The following CHP2 variants were observed in gnomAD, a reference collection of about 807,000 sequenced individuals.
CHP2 encodes calcineurin like EF-hand protein 2.
CHP2 carries 31 observed loss-of-function variants against 24.7 expected under a neutral mutation model. The ratio of observed to expected loss-of-function variants is 1.26; its 90% CI spans 0.94 to 1.69. CHP2 has a LOEUF of 1.69. Ranked by LOEUF, CHP2 falls within the 40% of genes most tolerant of loss-of-function variation. The probability of loss-of-function intolerance (pLI) is 0.00; values close to 1 mark genes in which losing one functional copy is unlikely to be tolerated. For missense variants in CHP2, 319 were observed against 261.5 expected, an observed-to-expected ratio of 1.22 and a Z score of -1.52; for synonymous variants, 97 against 99.1, an observed-to-expected ratio of 0.98 and a Z score of 0.13.
chr16:23,755,854 G>A lies in CHP2; in HGVS notation c.148G>A (p.Asp50Asn). The change falls in exon 3 of 7, where the codon GAT becomes AAT. Residue 50 changes from aspartate to asparagine, a missense_variant. Transcript: ENST00000300113. ...RNKKGYLSRM[D>N]LQQIGALAVN... ...TGAAATTTGGCTTTGCAGCCGCATG[G>A]ATCTCCAGCAGATAGGGGCGCTCGC... is the stretch of plus-strand genomic sequence containing the variant. 3.7e-6 allele frequency: 6 copies of A among 1,614,196 alleles called. No homozygotes were observed. Among genetic ancestry groups the A allele is most frequent in the Non-Finnish European group, 5.1e-6 (6 of 1,180,044 alleles).
chr16:23,755,917 T>C lies in CHP2; in HGVS notation c.211T>C (p.Phe71Leu). 6.2e-7 allele frequency: 1 copy of C among 1,614,104 alleles called. No homozygotes were observed. The change falls in exon 3 of 7, where the codon TTC becomes CTC. Residue 71 changes from phenylalanine (F) to leucine (L), a missense_variant. Physicochemically the swap from Phe to Leu is conservative, Grantham distance 22. Coordinates refer to ENST00000300113, the MANE Select transcript of CHP2 (RefSeq NM_022097.4). ...PLGDRIIESF[F>L]PDGSQRVDFP... Reference sequence around the variant, plus strand: ...GGGAGACCGAATTATAGAAAGCTTCTTCCCCGATGGGTGAGGCTTGCTGGG... The same window carrying C: ...GGGAGACCGAATTATAGAAAGCTTCCTCCCCGATGGGTGAGGCTTGCTGGG...
Position 23,757,659 on chromosome 16 carries a change from G to T in CHP2, c.*76G>T. ...CATCCAAAGCCCCCATGGACGCATG[G>T]ACGCAGGGCGACAATAAACTGTATT... On this transcript the variant is annotated 3_prime_UTR_variant, in exon 7 of 7. Coordinates refer to ENST00000300113, the MANE Select transcript of CHP2 (RefSeq NM_022097.4). 8.3e-7 allele frequency: 1 copy of T among 1,212,060 alleles called. No individual in the cohort carries two copies. The highest frequency in any genetic ancestry group is 1.2e-6 in the Non-Finnish European group (1 of 813,110). 75.1% of individuals were successfully genotyped at this position (1,212,060 alleles called of 1,614,324 possible).
chr16:23,755,991 G>A (rs996717265), intron 3 of CHP2, 64 bp downstream of exon 3: 248 of 1,613,692 alleles, frequency 1.5e-4, no homozygotes, highest in Non-Finnish European at 2.0e-4. Context: ...GGTGGGAGGG[G>A]AGGTTAGAGA....
At position 23,755,651 on chromosome 16, in the gene CHP2, C is replaced by T; in HGVS notation, c.68-10C>T. The T allele has an allele frequency of 6.2e-7, 1 of 1,613,652 alleles. No individual in the cohort carries two copies. Among genetic ancestry groups the T allele is most frequent in the Non-Finnish European group, 8.5e-7 (1 of 1,179,826 alleles). ...AGTCACACACCCCCACCCCACTCTCCTTCCCGCAGTCTCCCAAGCCAGCCT... is the reference window on the plus strand; with the variant it reads ...AGTCACACACCCCCACCCCACTCTCTTTCCCGCAGTCTCCCAAGCCAGCCT... On this transcript the variant is annotated splice_polypyrimidine_tract_variant and intron_variant, in intron 1 of 6. Transcript: ENST00000300113.
intron 1 of CHP2, 135 bp from the exon 2 acceptor site, chr16:23,755,526 C>T (rs995176709): frequency 3.9e-6 from 3 of 761,864 alleles, no homozygotes; most frequent in East Asian, 2.6e-5. Context: ...GCCAGCTCAA[C>T]CCCTGATTCC....
chr16:23,758,377 A>T lies in CHP2; in HGVS notation c.*794A>T, dbSNP rs1184725461. The T allele has an allele frequency of 6.6e-6, 1 of 152,254 alleles. No individual in the cohort carries two copies. Among genetic ancestry groups the T allele is most frequent in the African/African-American group, 2.4e-5 (1 of 41,476 alleles). The allele number at this position is 152,254 out of a possible 1,614,324, so 9.4% of individuals were successfully genotyped here. A position where few individuals can be genotyped will look rare whatever the true frequency, so the allele number is the denominator to read the frequency against. On this transcript the variant is annotated 3_prime_UTR_variant, in exon 7 of 7. Transcript: ENST00000300113. ...AGTCCAGAAGTATCTGCCTTTAGGCACAGCTGGATCCAAGGGCACAAATGA... is the reference window on the plus strand; with the variant it reads ...AGTCCAGAAGTATCTGCCTTTAGGCTCAGCTGGATCCAAGGGCACAAATGA...
chr16:23,757,132 G>A, intron 5 of CHP2, 69 bp from the exon 6 acceptor site: 1 of 1,590,946 alleles, frequency 6.3e-7, no homozygotes. Context: ...AGGTGGGCAA[G>A]GTTTAGGAGA....
At chr16:23,756,288 A>G in intron 4 of CHP2, 95 bp downstream of exon 4, 2 of 1,584,844 alleles carry the variant, frequency 1.3e-6, no homozygotes, top group African/African-American at 1.3e-5. Flanking sequence ...GAGGGCATTG[A>G]CAACCTCCCC....
chr16:23,755,369 G>GTGTC, intron 1 of CHP2: 1 of 596,718 alleles, frequency 1.7e-6, no homozygotes, highest in Non-Finnish European at 3.0e-6. Flanking sequence ...AGGCACCCAG[G>GTGTC]TGTCCTCCAG....
chr16:23,755,629 C>T lies in CHP2; in HGVS notation c.68-32C>T, dbSNP rs181110599. ...GTTTCTGGAGCTGGCCCTGCAGAGT[C>T]ACACACCCCCACCCCACTCTCCTTC... On this transcript the variant is annotated intron_variant, in intron 1 of 6. Coordinates refer to ENST00000300113, the MANE Select transcript of CHP2 (RefSeq NM_022097.4). 5,678 of 1,602,356 alleles carry T rather than the reference C, an allele frequency of 3.5e-3. 297 individuals are homozygous for T. The Admixed American group carries it at 0.087, about 24-fold the overall frequency.
rs1044681951 is a variant in CHP2 at position 23,758,506 on chromosome 16, C to T, written c.*923C>T. 1.3e-5 allele frequency: 2 copies of T among 152,218 alleles called. No homozygotes were observed. The highest frequency in any genetic ancestry group is 4.8e-5 in the African/African-American group (2 of 41,468). The allele number at this position is 152,218 out of a possible 1,614,324, so 9.4% of individuals were successfully genotyped here. On this transcript the variant is annotated 3_prime_UTR_variant, in exon 7 of 7. Coordinates refer to ENST00000300113, the MANE Select transcript of CHP2 (RefSeq NM_022097.4). The stretch of plus-strand genomic sequence containing the variant: ...TCCTAGTGATGGAGATGACCACCAT[C>T]AGCTCCAGGCTTCTATCCTGCTAAC...
rs1961217791 is a variant in CHP2, at chr16:23,755,929, T to C, written c.221+2T>C. 2 of 1,613,876 alleles carry C rather than the reference T, an allele frequency of 1.2e-6. No individual in the cohort carries two copies. The highest frequency in any genetic ancestry group is 1.7e-6 in the Non-Finnish European group (2 of 1,179,938). ...TATAGAAAGCTTCTTCCCCGATGGG[T>C]GAGGCTTGCTGGGCGTGGGGAGGTG... On this transcript the variant is annotated splice_donor_variant, in intron 3 of 6. Transcript: ENST00000300113. LOFTEE classifies it high-confidence loss of function.
At chr16:23,755,992 A>T in intron 3 of CHP2, 65 bp downstream of exon 3, 1 of 1,613,348 alleles carries the variant, frequency 6.2e-7, no homozygotes, top group Non-Finnish European at 8.5e-7. Context: ...GTGGGAGGGG[A>T]GGTTAGAGAC....
In CHP2 at chr16:23,755,040, C is replaced by T. The variant is rs1409366204; in HGVS notation, c.-10C>T. ...GTGGCTGCTCCGGCCCTTCCGCCTC[C>T]AGCTCGGCCATGGGGTCGCGCAGCT... On this transcript the variant is annotated 5_prime_UTR_variant, in exon 1 of 7. Transcript: ENST00000300113. 6 of 1,582,378 alleles carry T rather than the reference C, an allele frequency of 3.8e-6. No homozygotes were observed. The highest frequency in any genetic ancestry group is 3.5e-5 in the Admixed American group (2 of 57,708).
intron 1 of CHP2, 26 bp from the exon 2 acceptor site, chr16:23,755,635 C>A (rs113362337): frequency 1.5e-4 from 234 of 1,607,836 alleles, no homozygotes; most frequent in Non-Finnish European, 1.9e-4. Flanking sequence ...GAGTCACACA[C>A]CCCCACCCCA....
chr16:23,756,378 C>T lies in CHP2; in HGVS notation c.353-10C>T. On this transcript the variant is annotated splice_polypyrimidine_tract_variant and intron_variant, in intron 4 of 6. Transcript: ENST00000300113. Reference sequence around the variant, plus strand: ...CCTACCTTCCTTTCCCCCTCCCACCCTCTCCCCAGATGCATTTCAGCTCTA... The same window carrying T: ...CCTACCTTCCTTTCCCCCTCCCACCTTCTCCCCAGATGCATTTCAGCTCTA... 1 of 1,611,632 alleles carries T rather than the reference C, an allele frequency of 6.2e-7. No homozygotes were observed. The highest frequency in any genetic ancestry group is 8.5e-7 in the Non-Finnish European group (1 of 1,178,100).
In CHP2 at chr16:23,757,301, T is replaced by C; in HGVS notation, c.515T>C (p.Val172Ala). ...GCTGATGAAGATGGGGATGGGGCTG[T>C]GTCCTTCGTGGAGTTCACCAAGGTC... is the stretch of plus-strand genomic sequence containing the variant. ...QEADEDGDGA[V>A]SFVEFTKSLE... Residue 172 changes from valine to alanine, a missense_variant, in exon 6 of 7, where the codon GTG (valine) becomes GCG (alanine). Coordinates refer to ENST00000300113, the MANE Select transcript of CHP2 (RefSeq NM_022097.4). 1 of 1,612,890 alleles carries C rather than the reference T, an allele frequency of 6.2e-7. No individual in the cohort carries two copies. Among genetic ancestry groups the C allele is most frequent in the Admixed American group, 1.7e-5 (1 of 59,942 alleles).
chr16:23,757,793 G>A lies in CHP2; in HGVS notation c.*210G>A, dbSNP rs535075125. The A allele has an allele frequency of 1.8e-4, 111 of 605,664 alleles. 1 individual carries two copies. The East Asian group carries it at 2.4e-3, about 13-fold the overall frequency. 37.5% of individuals were successfully genotyped at this position (605,664 alleles called of 1,614,324 possible). A position where few individuals can be genotyped will look rare whatever the true frequency, so the allele number is the denominator to read the frequency against. On this transcript the variant is annotated 3_prime_UTR_variant, in exon 7 of 7. Coordinates refer to ENST00000300113, the MANE Select transcript of CHP2 (RefSeq NM_022097.4). ...TTGGCATCAGGGACAGTTTTTCCAC[G>A]GATGGGTGACAGGGGATGGTTTTGG...
rs1961252898 is a variant in CHP2, at chr16:23,758,151, T to C, written c.*568T>C. On this transcript the variant is annotated 3_prime_UTR_variant, in exon 7 of 7. Coordinates refer to ENST00000300113, the MANE Select transcript of CHP2 (RefSeq NM_022097.4). ...AAGCAATGGGGAGTGGCTGTAAATA[T>C]AGATGAAGCTTCAGCTCGCCTGCCG... is the stretch of plus-strand genomic sequence containing the variant. The C allele has an allele frequency of 1.8e-5, 3 of 165,798 alleles. No individual in the cohort carries two copies. Among genetic ancestry groups the C allele is most frequent in the Non-Finnish European group, 2.6e-5 (2 of 76,092 alleles). 10.3% of individuals were successfully genotyped at this position (165,798 alleles called of 1,614,324 possible).
Sources: gnomAD v4.1 joint callset for allele counts on GRCh38, gnomAD v4.1.1 for gene constraint, MANE v1.5 for transcripts, NCBI Gene and HGNC (gene_info 2026-07-23, HGNC 2026-07-21) for gene names.